TLK1: variants seen among roughly 807,000 people sequenced by gnomAD.
The protein encoded by TLK1 is serine/threonine-protein kinase tousled-like 1.
TLK1 carries 24 observed loss-of-function variants against 105.3 expected under a neutral mutation model. The ratio of observed to expected loss-of-function variants is 0.23; its 90% CI spans 0.17 to 0.32. The LOEUF is 0.32. Ranked by LOEUF, TLK1 falls within the 10% of genes least tolerant of loss-of-function variation. The probability of loss-of-function intolerance (pLI) is 1.00; values close to 1 mark genes in which losing one functional copy is unlikely to be tolerated. For synonymous variants in TLK1, 321 were observed against 310.4 expected, an observed-to-expected ratio of 1.03 and a Z score of -0.36; for missense variants, 558 against 910.5, an observed-to-expected ratio of 0.61 and a Z score of 4.98.
At chr2:171,170,267 A>G (rs370498136) in intron 1 of TLK1, among the ~76,000 whole-genome samples, 1 of 152,404 alleles carries the variant, frequency 6.6e-6, no homozygotes, top group African/African-American at 2.4e-5. Flanking sequence ...AAAAAGCATT[A>G]TTACATTAAA....
At chr2:170,994,950 C>T (rs941543977) in intron 20 of TLK1, among the ~76,000 whole-genome samples, 11 of 152,050 alleles carry the variant, frequency 7.2e-5, no homozygotes, top group Non-Finnish European at 1.5e-4. Flanking sequence ...TACCATTAAA[C>T]AGAAGTATAA....
At chr2:171,089,561 T>C (rs953299606) in intron 2 of TLK1, among the ~76,000 whole-genome samples, 1 of 152,244 alleles carries the variant, frequency 6.6e-6, no homozygotes, top group African/African-American at 2.4e-5. Flanking sequence ...ATATCACCTT[T>C]GTCATAGATC....
intron 1 of TLK1, among the ~76,000 whole-genome samples, chr2:171,132,493 T>C (rs2105559315): frequency 6.6e-6 from 1 of 152,382 alleles, no homozygotes; most frequent in South Asian, 2.1e-4. Context: ...TACGTATTTG[T>C]ATAAGTTCAC....
intron 12 of TLK1, among the ~76,000 whole-genome samples, chr2:171,022,706 TTATTTTCA>T (rs1225638751): frequency 6.6e-6 from 1 of 152,216 alleles, no homozygotes; most frequent in Admixed American, 6.5e-5. Flanking sequence ...ATAATGCTCA[TTATTTTCA>T]TATTTTCATT....
chr2:171,041,274 C>A (rs1686661716), intron 11 of TLK1, among the ~76,000 whole-genome samples: 1 of 152,212 alleles, frequency 6.6e-6, no homozygotes, highest in Non-Finnish European at 1.5e-5. Context: ...CTCCTACCAT[C>A]TTTTCAACAG....
At chr2:171,011,511 T>C in intron 13 of TLK1, 57 bp from the exon 14 acceptor site, 1 of 1,429,892 alleles carries the variant, frequency 7.0e-7, no homozygotes. Context: ...AAATTCCTTC[T>C]ACACTGAAGT....
In TLK1 at chr2:171,146,407, C is replaced by A. The variant is rs908552462; in HGVS notation, c.139+13883G>T. 2.6e-5 allele frequency among the ~76,000 whole-genome samples: 4 copies of A among 152,172 alleles called. No homozygotes were observed. In the South Asian group the frequency reaches 8.3e-4, roughly 32 times the overall value. Reference sequence around the variant, plus strand: ...CCTCTCTCAAACCTTGTTATGACATCAGCATATGACCCATCTGATAAGAAA... The same window carrying A: ...CCTCTCTCAAACCTTGTTATGACATAAGCATATGACCCATCTGATAAGAAA... On this transcript the variant is annotated intron_variant, in intron 1 of 20. Coordinates refer to ENST00000431350, the MANE Select transcript of TLK1 (RefSeq NM_012290.5).
At chr2:171,023,076 A>G (rs373017547) in intron 12 of TLK1, 50 of 471,134 alleles carry the variant, frequency 1.1e-4, no homozygotes, top group Middle Eastern at 6.5e-4. Context: ...GCAGGTGCCA[A>G]TATCGGTCAG....
At chr2:171,062,474 C>T (rs1255614912) in intron 3 of TLK1, among the ~76,000 whole-genome samples, 1 of 152,110 alleles carries the variant, frequency 6.6e-6, no homozygotes, top group Non-Finnish European at 1.5e-5. Flanking sequence ...GTTCTCCCAC[C>T]TCCATTTTGC....
intron 1 of TLK1, among the ~76,000 whole-genome samples, chr2:171,151,387 C>T (rs1395283802): frequency 5.3e-5 from 8 of 151,532 alleles, no homozygotes; most frequent in Non-Finnish European, 1.0e-4. Context: ...AATAACAGGA[C>T]TTCATGTGAT....
chr2:171,222,643 G>A (rs1204485505), intron 1 of TLK1, among the ~76,000 whole-genome samples: 1 of 151,830 alleles, frequency 6.6e-6, no homozygotes, highest in African/African-American at 2.4e-5. Flanking sequence ...CATATTTATG[G>A]GGGACATGTG....
intron 6 of TLK1, 83 bp downstream of exon 6, chr2:171,056,388 T>C: frequency 8.8e-7 from 1 of 1,133,362 alleles, no homozygotes. Flanking sequence ...AAGTTCTCAA[T>C]AAAAAACAAC....
At chr2:171,202,474 T>C (rs1453829294) in intron 1 of TLK1, among the ~76,000 whole-genome samples, 2 of 150,354 alleles carry the variant, frequency 1.3e-5, no homozygotes, top group Non-Finnish European at 3.0e-5. Flanking sequence ...AGAATTTCCC[T>C]GCCAGGCGCA....
At chr2:171,129,421 T>C (rs1022305191) in intron 1 of TLK1, among the ~76,000 whole-genome samples, 2 of 152,180 alleles carry the variant, frequency 1.3e-5, no homozygotes, top group African/African-American at 4.8e-5. Context: ...AGTTTTTCTT[T>C]CTTAAAGTCC....
chr2:171,083,744 T>G (rs749019213), intron 2 of TLK1, among the ~76,000 whole-genome samples: 2 of 152,174 alleles, frequency 1.3e-5, no homozygotes, highest in Non-Finnish European at 2.9e-5. Flanking sequence ...TTAGATTAAT[T>G]TCCAAAGTGA....
intron 1 of TLK1, among the ~76,000 whole-genome samples, chr2:171,223,004 G>A (rs1051872918): frequency 1.3e-5 from 2 of 151,882 alleles, no homozygotes; most frequent in African/African-American, 2.4e-5. Flanking sequence ...TAGTAGAGAC[G>A]GAGTTTCACC....
intron 1 of TLK1, among the ~76,000 whole-genome samples, chr2:171,211,401 G>T (rs1237634055): frequency 6.6e-6 from 1 of 152,150 alleles, no homozygotes; most frequent in Non-Finnish European, 1.5e-5. Context: ...CACCTAAGAT[G>T]CATGGCTTAC....
Position 171,117,817 on chromosome 2 carries a change from T to C in TLK1, c.180A>G (p.Gln60=), listed in dbSNP as rs142408650. The change falls in exon 2 of 21, where the codon CAA becomes CAG. Residue 60 remains glutamine (Q), a synonymous_variant. Coordinates refer to ENST00000431350, the MANE Select transcript of TLK1 (RefSeq NM_012290.5). The stretch of plus-strand genomic sequence containing the variant: ...CAGTAAATCTAGCTTCCAATAACTC[T>C]TGCCTTCTTGGATCCAGACTATGAA... The part of the protein sequence containing the change: ...DELHSLDPRR[Q]ELLEARFTGV... 6 of 1,613,762 alleles carry C rather than the reference T, an allele frequency of 3.7e-6. No homozygotes were observed. In the African/African-American group the frequency reaches 6.7e-5, roughly 18 times the overall value.
intron 2 of TLK1, among the ~76,000 whole-genome samples, chr2:171,103,562 A>G (rs985898820): frequency 2.0e-5 from 3 of 151,994 alleles, no homozygotes; most frequent in Non-Finnish European, 1.5e-5. Context: ...ATTTAATTGC[A>G]CTTCATTTTT....
Sources: gnomAD v4.1 joint callset for allele counts (sites outside exome capture counted in the v4.1 genomes callset) on GRCh38, gnomAD v4.1.1 for gene constraint, MANE v1.5 for transcripts, NCBI Gene and HGNC (gene_info 2026-07-23, HGNC 2026-07-21) for gene names.